MATN2: variants seen among roughly 807,000 people sequenced by gnomAD.
MATN2 encodes matrilin 2.
A neutral mutation model predicts 103.2 loss-of-function variants in MATN2; 69 were observed. The ratio of observed to expected loss-of-function variants is 0.67; its 90% CI spans 0.55 to 0.82. MATN2 has a LOEUF of 0.82. Ranked by LOEUF, MATN2 falls within the 40% of genes least tolerant of loss-of-function variation. The probability of loss-of-function intolerance (pLI) is 0.00; values close to 1 mark genes in which losing one functional copy is unlikely to be tolerated. For missense variants in MATN2, 1,023 were observed against 1,211.5 expected, an observed-to-expected ratio of 0.84 and a Z score of 2.31; for synonymous variants, 429 against 450.2, an observed-to-expected ratio of 0.95 and a Z score of 0.60.
chr8:97,894,348 T>A (rs1486188416), intron 2 of MATN2, among the ~76,000 whole-genome samples: 1 of 75,926 alleles, frequency 1.3e-5, no homozygotes. Context: ...TTTTTTTTTT[T>A]AGACAGGATC....
chr8:97,879,228 A>C (rs542921910), intron 1 of MATN2, among the ~76,000 whole-genome samples: 3 of 152,262 alleles, frequency 2.0e-5, no homozygotes, highest in Admixed American at 2.0e-4. Flanking sequence ...TGAGGACTGA[A>C]TGCAATTTCG....
At chr8:97,934,497 T>C (rs1810309176) in intron 3 of MATN2, among the ~76,000 whole-genome samples, 1 of 152,230 alleles carries the variant, frequency 6.6e-6, no homozygotes. Flanking sequence ...CTCTGAGGTT[T>C]GGGAAGTCTC....
intron 6 of MATN2, among the ~76,000 whole-genome samples, chr8:97,989,146 T>G (rs1812302030): frequency 6.6e-6 from 1 of 152,222 alleles, no homozygotes; most frequent in Non-Finnish European, 1.5e-5. Flanking sequence ...CTGACATTCA[T>G]TTTTTCTTTA....
chr8:97,963,221 T>C (rs1434348893), intron 5 of MATN2, among the ~76,000 whole-genome samples: 2 of 152,238 alleles, frequency 1.3e-5, no homozygotes, highest in African/African-American at 4.8e-5. Flanking sequence ...AACCTGCTTT[T>C]TCCCCTCTAC....
intron 2 of MATN2, among the ~76,000 whole-genome samples, chr8:97,921,020 G>T (rs1434154453): frequency 6.6e-6 from 1 of 152,114 alleles, no homozygotes; most frequent in African/African-American, 2.4e-5. Flanking sequence ...CCTTCCTTTG[G>T]TTTATGCAGT....
chr8:98,024,120 C>T lies in MATN2; in HGVS notation c.1942+2793C>T, dbSNP rs181438583. Among the ~76,000 whole-genome samples the T allele has an allele frequency of 4.1e-4, 62 of 152,230 alleles. 1 individual carries two copies. The East Asian group carries it at 4.2e-3, about 10-fold the overall frequency. On this transcript the variant is annotated intron_variant, in intron 13 of 18. Coordinates refer to ENST00000254898, the MANE Select transcript of MATN2 (RefSeq NM_002380.5). Reference sequence around the variant, plus strand: ...TACCTAAGTGATGGGCTGATAGGTGCGGCAAACCACCATGGCACACATTTG... The same window carrying T: ...TACCTAAGTGATGGGCTGATAGGTGTGGCAAACCACCATGGCACACATTTG...
chr8:97,898,885 A>G (rs538037930), intron 2 of MATN2, among the ~76,000 whole-genome samples: 1 of 151,868 alleles, frequency 6.6e-6, no homozygotes, highest in African/African-American at 2.4e-5. Flanking sequence ...AGTAGCTGGG[A>G]TTACAAGCAC....
At chr8:97,914,503 G>A (rs902542882) in intron 2 of MATN2, among the ~76,000 whole-genome samples, 1 of 150,330 alleles carries the variant, frequency 6.7e-6, no homozygotes, top group African/African-American at 2.4e-5. Flanking sequence ...CCCATGTAGC[G>A]AGGACTACAG....
intron 7 of MATN2, among the ~76,000 whole-genome samples, chr8:98,000,604 A>AAAAAAAAAAAAAAAT (rs1554613598): frequency 7.9e-6 from 1 of 127,284 alleles, no homozygotes; most frequent in Non-Finnish European, 1.7e-5. Flanking sequence ...CTCAAAAAAA[A>AAAAAAAAAAAAAAAT]AAAAAAGAAA....
At position 98,033,564 on chromosome 8, in the gene MATN2, G is replaced by A. The variant is rs78719741; in HGVS notation, c.2720G>A (p.Ser907Asn). ...CACTTTCCATCTGCTTTCTCAGGAA[G>A]CCCTTTGGAAGAAAAACACGATCAA... ...KLSHSTKPSG[S>N]PLEEKHDQCK... The change falls in exon 18 of 19, where the codon AGC becomes AAC. Residue 907 changes from serine (S) to asparagine (N), a missense_variant. By Grantham distance (46) the Ser-to-Asn change is conservative (BLOSUM62 1). Coordinates refer to ENST00000254898, the MANE Select transcript of MATN2 (RefSeq NM_002380.5). 1,345 of 1,578,736 alleles carry A rather than the reference G, an allele frequency of 8.5e-4. 16 individuals are homozygous for A. The East Asian group carries it at 0.027, about 32-fold the overall frequency.
At chr8:97,998,615 T>C (rs929449183) in intron 7 of MATN2, among the ~76,000 whole-genome samples, 1 of 149,956 alleles carries the variant, frequency 6.7e-6, no homozygotes, top group Non-Finnish European at 1.5e-5. Flanking sequence ...TTTTATTGTA[T>C]GTGCTGCTGA....
In MATN2 at chr8:98,030,534, C is replaced by G; in HGVS notation, c.2429C>G (p.Thr810Arg). 1 of 1,613,884 alleles carries G rather than the reference C, an allele frequency of 6.2e-7. No individual in the cohort carries two copies. The highest frequency in any genetic ancestry group is 8.5e-7 in the Non-Finnish European group (1 of 1,179,802). ...EELQEIASEP[T>R]NKHLFYAEDF... ...CTACAAGAGATTGCCTCTGAGCCCACAAACAAGCATCTCTTCTATGCCGAA... is the reference window on the plus strand; with the variant it reads ...CTACAAGAGATTGCCTCTGAGCCCAGAAACAAGCATCTCTTCTATGCCGAA... Residue 810 changes from threonine (T) to arginine (R), a missense_variant, in exon 15 of 19, where the codon ACA (threonine) becomes AGA (arginine). Thr to Arg is a moderately conservative substitution (Grantham distance 71). Transcript: ENST00000254898.
chr8:97,875,506 A>T (rs1463061611), intron 1 of MATN2, among the ~76,000 whole-genome samples: 1 of 149,620 alleles, frequency 6.7e-6, no homozygotes, highest in Non-Finnish European at 1.5e-5. Flanking sequence ...AGCACTCTCC[A>T]CTGTCATGTA....
intron 4 of MATN2, among the ~76,000 whole-genome samples, chr8:97,947,660 T>C (rs1231449030): frequency 6.6e-6 from 1 of 152,218 alleles, no homozygotes; most frequent in Non-Finnish European, 1.5e-5. Context: ...TTGGAAGACT[T>C]AATATGGCCA....
intron 2 of MATN2, among the ~76,000 whole-genome samples, chr8:97,888,821 AGG>A (rs1485998776): frequency 2.0e-5 from 3 of 152,218 alleles, no homozygotes; most frequent in African/African-American, 7.2e-5. Context: ...TGGAGGTTAT[AGG>A]AAGGTTGGGC....
chr8:98,016,474 T>G, intron 10 of MATN2, 66 bp from the exon 11 acceptor site: 1 of 1,412,972 alleles, frequency 7.1e-7, no homozygotes, highest in Admixed American at 2.0e-5. Flanking sequence ...CTTTTATGAT[T>G]GAATAAGCCA....
chr8:97,946,409 C>T (rs78118213), intron 4 of MATN2, among the ~76,000 whole-genome samples: 3,313 of 152,216 alleles, frequency 0.022, 130 homozygotes, highest in African/African-American at 0.076. Context: ...AAAGTCTTCC[C>T]TGTCAAATAC....
chr8:97,903,699 C>T (rs756406712), intron 2 of MATN2, among the ~76,000 whole-genome samples: 2 of 152,096 alleles, frequency 1.3e-5, no homozygotes, highest in Non-Finnish European at 2.9e-5. Context: ...TGTCAGCTAG[C>T]AAAAGAGGGG....
chr8:98,027,945 T>C (rs1317473152), intron 14 of MATN2, 116 bp downstream of exon 14: 88 of 1,027,636 alleles, frequency 8.6e-5, no homozygotes, highest in Non-Finnish European at 1.1e-4. Flanking sequence ...AAAGGCCTCC[T>C]GGCAACTGCC....
Sources: allele counts gnomAD v4.1 joint callset (sites outside exome capture counted in the v4.1 genomes callset), GRCh38; gene constraint gnomAD v4.1.1; transcripts MANE v1.5; gene names NCBI Gene and HGNC (gene_info 2026-07-23, HGNC 2026-07-21).